Variants in SAMD12 observed in about 807,000 individuals in gnomAD.
SAMD12 encodes sterile alpha motif domain containing 12, also known as sterile alpha motif domain-containing protein 12.
Under a neutral mutation model 15.0 loss-of-function variants are expected in SAMD12, and 9 were observed. That is an observed-to-expected ratio of 0.60 (90% confidence interval 0.36 to 1.05). The LOEUF (loss-of-function observed/expected upper bound fraction) is 1.05. Among genes scored for constraint, SAMD12 ranks in the 50% least tolerant of loss-of-function variants. The probability of loss-of-function intolerance (pLI) is 0.01; values close to 1 mark genes in which losing one functional copy is unlikely to be tolerated. For synonymous variants in SAMD12, 86 were observed against 90.1 expected (o/e 0.96, Z 0.25); for missense variants, 230 against 234.2 (o/e 0.98, Z 0.12).
intron 4 of SAMD12, among the ~76,000 whole-genome samples, chr8:118,280,753 G>A (rs1813606300): frequency 6.6e-6 from 1 of 152,206 alleles, no homozygotes; most frequent in Admixed American, 6.5e-5. Context: ...AGGCAACTGA[G>A]ACTTTTCTCC....
the SAMD12 span, among the ~76,000 whole-genome samples, chr8:118,173,252 T>A: frequency 6.6e-6 from 1 of 152,194 alleles, no homozygotes; most frequent in African/African-American, 2.4e-5. Flanking sequence ...GGGTTCTGTG[T>A]AGCTTACAAC....
At chr8:118,335,952 T>C (rs1022565236) in intron 4 of SAMD12, among the ~76,000 whole-genome samples, 6 of 152,176 alleles carry the variant, frequency 3.9e-5, no homozygotes, top group African/African-American at 1.4e-4. Flanking sequence ...CTCTAACTCC[T>C]GGGCTCAAGC....
At chr8:118,161,928 G>T in the SAMD12 span, among the ~76,000 whole-genome samples, 14 of 151,936 alleles carry the variant, frequency 9.2e-5, 2 homozygotes, top group Admixed American at 9.2e-4. Flanking sequence ...GGGAGGCCCA[G>T]GCGGGTGGAT....
intron 2 of SAMD12, among the ~76,000 whole-genome samples, chr8:118,479,073 C>A (rs1273698427): frequency 7.0e-6 from 1 of 143,784 alleles, no homozygotes; most frequent in Admixed American, 6.7e-5. Flanking sequence ...CCATTTCTCT[C>A]AAAATAAAAG....
At chr8:118,545,321 G>C (rs1563574530) in intron 2 of SAMD12, among the ~76,000 whole-genome samples, 1 of 152,124 alleles carries the variant, frequency 6.6e-6, no homozygotes, top group South Asian at 2.1e-4. Context: ...ACAAAAATTA[G>C]CCAGGTGTAG....
chr8:118,191,110 C>T (rs1479236284), exon 5 of SAMD12: 3 of 152,120 alleles, frequency 2.0e-5, no homozygotes, highest in African/African-American at 7.2e-5. Flanking sequence ...GAATTAGTTT[C>T]CAAATATTTG....
chr8:118,191,807 T>C (rs375203253), exon 5 of SAMD12: 2 of 15,946 alleles, frequency 1.3e-4, no homozygotes, highest in Admixed American at 8.4e-4. Flanking sequence ...TATATATATA[T>C]ATATAGAGAG....
At chr8:118,172,270 CTAAAA>C in the SAMD12 span, among the ~76,000 whole-genome samples, 7,353 of 151,984 alleles carry the variant, frequency 0.048, 586 homozygotes, top group African/African-American at 0.17. Context: ...ATAAAATAAA[CTAAAA>C]TGAGGGAATT....
chr8:118,289,433 C>T (rs761321307), intron 4 of SAMD12, among the ~76,000 whole-genome samples: 29 of 152,150 alleles, frequency 1.9e-4, no homozygotes, highest in Non-Finnish European at 4.0e-4. Flanking sequence ...AAATGGCAGG[C>T]AGTTAAATGT....
At chr8:118,248,648 CAGA>C (rs1281287732) in intron 4 of SAMD12, among the ~76,000 whole-genome samples, 1 of 151,230 alleles carries the variant, frequency 6.6e-6, no homozygotes, top group African/African-American at 2.4e-5. Flanking sequence ...TTTTATACAT[CAGA>C]AGATGTACAC....
chr8:118,154,300 A>G, the SAMD12 span, among the ~76,000 whole-genome samples: 3 of 152,182 alleles, frequency 2.0e-5, no homozygotes, highest in African/African-American at 7.2e-5. Context: ...CTATTCTTTA[A>G]ACATGCCACC....
At chr8:118,455,655 C>A (rs1270462965) in intron 2 of SAMD12, among the ~76,000 whole-genome samples, 2 of 152,184 alleles carry the variant, frequency 1.3e-5, no homozygotes, top group Non-Finnish European at 2.9e-5. Context: ...CAGCTGCCTA[C>A]TCGATATCCC....
chr8:118,258,393 T>C (rs1390965885), intron 4 of SAMD12, among the ~76,000 whole-genome samples: 2 of 152,186 alleles, frequency 1.3e-5, no homozygotes, highest in African/African-American at 4.8e-5. Flanking sequence ...TTTATTCATA[T>C]TGGTGATTGG....
At chr8:118,267,204 C>T (rs1813224468) in intron 4 of SAMD12, among the ~76,000 whole-genome samples, 1 of 152,028 alleles carries the variant, frequency 6.6e-6, no homozygotes, top group Admixed American at 6.6e-5. Flanking sequence ...TTTACTCTTC[C>T]CTCCTCCACC....
chr8:118,590,438 C>A (rs771528158), intron 1 of SAMD12, among the ~76,000 whole-genome samples: 29 of 152,208 alleles, frequency 1.9e-4, no homozygotes, highest in Non-Finnish European at 3.8e-4. Context: ...TATGGCAAGG[C>A]TGGATTTTCA....
At chr8:118,570,393 T>C (rs1324675169) in intron 2 of SAMD12, among the ~76,000 whole-genome samples, 1 of 152,144 alleles carries the variant, frequency 6.6e-6, no homozygotes, top group Admixed American at 6.5e-5. Flanking sequence ...CCCGTATGTG[T>C]TGTTCCCTTC....
chr8:118,138,803 C>T, the SAMD12 span, among the ~76,000 whole-genome samples: 3,385 of 152,304 alleles, frequency 0.022, 50 homozygotes, highest in South Asian at 0.047. Context: ...CAGGAGGCTG[C>T]AGGAGACCAC....
chr8:118,496,616 C>A (rs1290348272), intron 2 of SAMD12, among the ~76,000 whole-genome samples: 1 of 152,058 alleles, frequency 6.6e-6, no homozygotes, highest in Non-Finnish European at 1.5e-5. Flanking sequence ...ACTATAAAAA[C>A]CCTAGAAGAA....
rs140650789 is a variant in SAMD12 at position 118,471,584 on chromosome 8, A to G, written c.193-31623T>C. Among the ~76,000 whole-genome samples the G allele has an allele frequency of 2.2e-3, 330 of 152,344 alleles. 3 individuals are homozygous for G. The highest frequency in any genetic ancestry group is 7.7e-3 in the African/African-American group (320 of 41,588). ...CAAAGCCAAAATTAGAGAATAGGCCAAAGAAACTTGGTAAAAATCCCTTTG... is the reference window on the plus strand; with the variant it reads ...CAAAGCCAAAATTAGAGAATAGGCCGAAGAAACTTGGTAAAAATCCCTTTG... On this transcript the variant is annotated intron_variant, in intron 2 of 3. Transcript: ENST00000314727.
Sources: gnomAD v4.1 joint callset for allele counts (sites outside exome capture counted in the v4.1 genomes callset) on GRCh38, gnomAD v4.1.1 for gene constraint, MANE v1.5 for transcripts, NCBI Gene and HGNC (gene_info 2026-07-23, HGNC 2026-07-21) for gene names.